ABCC6: variants seen among roughly 807,000 people sequenced by gnomAD.
The protein encoded by ABCC6 is ATP-binding cassette sub-family C member 6.
ABCC6 carries 126 observed loss-of-function variants against 169.5 expected under a neutral mutation model. The ratio of observed to expected loss-of-function variants is 0.74; its 90% CI spans 0.64 to 0.86. ABCC6 has a LOEUF of 0.86. Among genes scored for constraint, ABCC6 ranks in the 40% least tolerant of loss-of-function variants. The pLI, the probability that ABCC6 is intolerant of heterozygous loss-of-function variation, is 0.00. For synonymous variants in ABCC6, 752 were observed against 814.7 expected (o/e 0.92, Z 1.31); for missense variants, 1,733 against 1,927.2 (o/e 0.90, Z 1.89).
intron 13 of ABCC6, among the ~76,000 whole-genome samples, chr16:16,187,904 AAATT>A (rs750596044): frequency 0.019 from 2,330 of 119,740 alleles, 59 homozygotes; most frequent in African/African-American, 0.067. Context: ...CTCAATAAAT[AAATT>A]AAATAAATAA....
chr16:16,221,932 A>C, intron 1 of ABCC6, 101 bp from the exon 2 acceptor site: 1 of 1,586,804 alleles, frequency 6.3e-7, no homozygotes, highest in South Asian at 1.1e-5. Context: ...TAACATTTAC[A>C]CAAAAATGTA....
intron 20 of ABCC6, 52 bp from the exon 21 acceptor site, chr16:16,173,456 G>A: frequency 6.2e-7 from 1 of 1,613,254 alleles, no homozygotes; most frequent in Non-Finnish European, 8.5e-7. Context: ...CAATGGTGGG[G>A]TGTATGTGCC....
chr16:16,173,335 G>A lies in ABCC6; in HGVS notation c.2736C>T (p.Asp912=), dbSNP rs750784341. The A allele has an allele frequency of 1.2e-6, 2 of 1,613,930 alleles. No individual in the cohort carries two copies. The highest frequency in any genetic ancestry group is 1.3e-5 in the African/African-American group (1 of 74,890). Reference sequence around the variant, plus strand: ...CTGCTGGCCATCCTGCCCTGTCAGGGTCATCCAGAGGAACCTCTGTCTGGG... The same window carrying A: ...CTGCTGGCCATCCTGCCCTGTCAGGATCATCCAGAGGAACCTCTGTCTGGG... The part of the protein sequence containing the change: ...SEAQTEVPLD[D]PDRAGWPAGK... Residue 912 remains aspartate (D), a synonymous_variant, in exon 21 of 31, where the codon GAC becomes GAT. Coordinates refer to ENST00000205557, the MANE Select transcript of ABCC6 (RefSeq NM_001171.6).
chr16:16,149,686 A>G lies in ABCC6; in HGVS notation c.*447T>C, dbSNP rs964879717. 1.3e-4 allele frequency: 40 copies of G among 297,320 alleles called. No individual in the cohort carries two copies. In the Admixed American group the frequency reaches 1.6e-3, roughly 12 times the overall value. 18.4% of individuals were successfully genotyped at this position (297,320 alleles called of 1,614,324 possible). ...GGTGAAATGGGGTACCAAGTACACG[A>G]ATCTCTCTATATTATTGTTTCTTTA... On this transcript the variant is annotated 3_prime_UTR_variant, in exon 31 of 31. Transcript: ENST00000205557.
At chr16:16,207,755 A>T (rs1274327564) in intron 7 of ABCC6, among the ~76,000 whole-genome samples, 1 of 152,014 alleles carries the variant, frequency 6.6e-6, no homozygotes, top group Non-Finnish European at 1.5e-5. Flanking sequence ...ACCCAATTTT[A>T]TCTAATCCTA....
chr16:16,155,619 C>T (rs2046527011), intron 27 of ABCC6: 1 of 159,404 alleles, frequency 6.3e-6, no homozygotes, highest in Non-Finnish European at 1.4e-5. Context: ...ATTCATCCTC[C>T]ATCTTATCCA....
intron 13 of ABCC6, among the ~76,000 whole-genome samples, chr16:16,187,953 C>T (rs212078): frequency 0.52 from 78,273 of 150,872 alleles, 20,544 homozygotes; most frequent in Admixed American, 0.56. Context: ...ATAAGGCGGC[C>T]AGGCGCGGTG....
intron 20 of ABCC6, 76 bp downstream of exon 20, chr16:16,175,835 C>T (rs1464733342): frequency 1.6e-5 from 24 of 1,541,270 alleles, no homozygotes; most frequent in Middle Eastern, 3.5e-4. Flanking sequence ...CCTAACTGCC[C>T]GAGATGCGGG....
intron 9 of ABCC6, among the ~76,000 whole-genome samples, chr16:16,199,445 G>A (rs1596707736): frequency 7.9e-6 from 1 of 127,370 alleles, no homozygotes; most frequent in Non-Finnish European, 1.8e-5. Context: ...GCATGACAAG[G>A]GTGAGACCTT....
intron 17 of ABCC6, among the ~76,000 whole-genome samples, chr16:16,181,286 T>C (rs112038079): frequency 0.028 from 4,108 of 145,828 alleles, 94 homozygotes; most frequent in African/African-American, 0.065. Flanking sequence ...GAGGTTACAG[T>C]GAGCCAAGAT....
chr16:16,195,675 T>A (rs8056397), intron 10 of ABCC6, among the ~76,000 whole-genome samples: 1 of 151,796 alleles, frequency 6.6e-6, no homozygotes, highest in Non-Finnish European at 1.5e-5. Context: ...AATTTTCCCA[T>A]GTTCTTCCTC....
chr16:16,153,834 G>T (rs2046458419), intron 29 of ABCC6, among the ~76,000 whole-genome samples: 1 of 151,222 alleles, frequency 6.6e-6, no homozygotes, highest in Non-Finnish European at 1.5e-5. Flanking sequence ...AGCCTGGGAG[G>T]TGGAGGTTGC....
At chr16:16,155,554 CATTT>C (rs909383598) in intron 27 of ABCC6, 11 of 163,864 alleles carry the variant, frequency 6.7e-5, no homozygotes, top group South Asian at 3.3e-4. Context: ...TCCTTTCATT[CATTT>C]ATTTTCTCCC....
intron 10 of ABCC6, among the ~76,000 whole-genome samples, chr16:16,197,220 A>T (rs1365520938): frequency 6.6e-6 from 1 of 152,042 alleles, no homozygotes; most frequent in Non-Finnish European, 1.5e-5. Context: ...AAACATGGTT[A>T]ACTTGCCTAC....
At chr16:16,163,348 C>A (rs569982478) in intron 23 of ABCC6, among the ~76,000 whole-genome samples, 156 bp from the exon 24 acceptor site, 1 of 152,174 alleles carries the variant, frequency 6.6e-6, no homozygotes, top group Non-Finnish European at 1.5e-5. Flanking sequence ...TCTCTGGGTT[C>A]TCATTTCCTT....
chr16:16,221,628 G>A, intron 2 of ABCC6, 21 bp downstream of exon 2: 1 of 1,613,334 alleles, frequency 6.2e-7, no homozygotes, highest in Non-Finnish European at 8.5e-7. Flanking sequence ...CTGGTTCCAG[G>A]CTCCCAGGGA....
At chr16:16,176,613 C>G (rs1267800791) in intron 19 of ABCC6, among the ~76,000 whole-genome samples, 2 of 152,232 alleles carry the variant, frequency 1.3e-5, no homozygotes, top group Non-Finnish European at 2.9e-5. Context: ...TGGGCCAGTG[C>G]TAAGCAGATG....
chr16:16,198,990 T>C (rs1437556107), intron 9 of ABCC6, among the ~76,000 whole-genome samples: 2 of 67,950 alleles, frequency 2.9e-5, no homozygotes, highest in African/African-American at 9.1e-5. Context: ...GCAAAATCCA[T>C]TTCGGGGGGG....
chr16:16,153,241 A>G (rs949825412), intron 29 of ABCC6, among the ~76,000 whole-genome samples: 8 of 152,144 alleles, frequency 5.3e-5, no homozygotes, highest in African/African-American at 1.9e-4. Flanking sequence ...CTATACACCT[A>G]TGTTCATAGT....
Sources: allele counts gnomAD v4.1 joint callset (sites outside exome capture counted in the v4.1 genomes callset), GRCh38; gene constraint gnomAD v4.1.1; transcripts MANE v1.5; gene names NCBI Gene and HGNC (gene_info 2026-07-23, HGNC 2026-07-21).